ARL15: variants seen among roughly 807,000 people sequenced by gnomAD.
The protein encoded by ARL15 is ADP-ribosylation factor-like protein 15.
ARL15 carries 19 observed loss-of-function variants against 25.2 expected under a neutral mutation model. The ratio of observed to expected loss-of-function variants is 0.75; its 90% confidence interval spans 0.53 to 1.10. The LOEUF (loss-of-function observed/expected upper bound fraction) is 1.10, where lower values mean the gene tolerates loss of function less well. Ranked by LOEUF, ARL15 falls within the 50% of genes least tolerant of loss-of-function variation. ARL15 has a pLI of 0.00. For missense variants in ARL15, 220 were observed against 246.0 expected, an observed-to-expected ratio of 0.89 and a Z score of 0.71; for synonymous variants, 94 against 86.8, an observed-to-expected ratio of 1.08 and a Z score of -0.46.
At chr5:53,975,390 T>C (rs571645579) in intron 4 of ARL15, among the ~76,000 whole-genome samples, 6 of 152,202 alleles carry the variant, frequency 3.9e-5, no homozygotes, top group Non-Finnish European at 8.8e-5. Flanking sequence ...AAAGAGAGCT[T>C]GCCTACAAAG....
chr5:53,925,116 T>G (rs190968421), intron 4 of ARL15, among the ~76,000 whole-genome samples: 10 of 152,252 alleles, frequency 6.6e-5, no homozygotes, highest in Admixed American at 5.2e-4. Flanking sequence ...ACTTCAACTT[T>G]TTTCTTGAAT....
chr5:53,991,838 TA>T (rs1362686886), intron 4 of ARL15, among the ~76,000 whole-genome samples: 2 of 152,150 alleles, frequency 1.3e-5, no homozygotes, highest in African/African-American at 4.8e-5. Context: ...GTTAACTTAT[TA>T]AGTACCTACG....
intron 4 of ARL15, among the ~76,000 whole-genome samples, chr5:53,902,469 C>T (rs1354996843): frequency 6.6e-6 from 1 of 152,168 alleles, no homozygotes; most frequent in South Asian, 2.1e-4. Context: ...GGTTATTTGG[C>T]TTTTGTAATG....
intron 1 of ARL15, among the ~76,000 whole-genome samples, chr5:54,254,612 C>T (rs970534161): frequency 3.9e-5 from 6 of 152,208 alleles, no homozygotes; most frequent in African/African-American, 1.4e-4. Flanking sequence ...TGAAAAGGGT[C>T]CTTTCAATTC....
At chr5:54,044,400 C>T (rs1363476198) in intron 4 of ARL15, among the ~76,000 whole-genome samples, 2 of 151,978 alleles carry the variant, frequency 1.3e-5, no homozygotes, top group African/African-American at 2.4e-5. Context: ...CTCACCACCA[C>T]GCCTGGCTAA....
At chr5:54,184,608 C>T (rs1187497847) in intron 1 of ARL15, among the ~76,000 whole-genome samples, 1 of 107,900 alleles carries the variant, frequency 9.3e-6, no homozygotes, top group African/African-American at 3.4e-5. Flanking sequence ...GCTAGAAAGG[C>T]TTATAACAAA....
chr5:53,922,011 G>A (rs890690192), intron 4 of ARL15, among the ~76,000 whole-genome samples: 3 of 152,190 alleles, frequency 2.0e-5, no homozygotes, highest in Admixed American at 1.3e-4. Flanking sequence ...AAAGCAATAT[G>A]TACCTTAGTG....
At chr5:54,111,540 T>C (rs1336022575) in intron 4 of ARL15, among the ~76,000 whole-genome samples, 1 of 152,026 alleles carries the variant, frequency 6.6e-6, no homozygotes, top group Non-Finnish European at 1.5e-5. Context: ...TTCAATTATA[T>C]GATGTCTAAG....
At chr5:54,074,740 T>G (rs1751540093) in intron 4 of ARL15, among the ~76,000 whole-genome samples, 1 of 152,168 alleles carries the variant, frequency 6.6e-6, no homozygotes, top group Non-Finnish European at 1.5e-5. Flanking sequence ...ATCTATTTCC[T>G]TCTTAATTTT....
chr5:54,136,933 T>G (rs959326186), intron 3 of ARL15, among the ~76,000 whole-genome samples: 1 of 151,994 alleles, frequency 6.6e-6, no homozygotes, highest in Non-Finnish European at 1.5e-5. Context: ...TCATCTCTTC[T>G]TCAGTCACTA....
intron 4 of ARL15, among the ~76,000 whole-genome samples, chr5:54,026,404 G>A (rs756673809): frequency 3.9e-5 from 6 of 152,054 alleles, no homozygotes; most frequent in African/African-American, 7.3e-5. Flanking sequence ...GAGTACCTGG[G>A]AATTACAGGT....
chr5:54,064,328 T>A (rs1045470713), intron 4 of ARL15, among the ~76,000 whole-genome samples: 31 of 152,278 alleles, frequency 2.0e-4, no homozygotes, highest in African/African-American at 7.5e-4. Context: ...TATGACTCCC[T>A]CTGCACTCCC....
At chr5:54,076,139 A>G (rs1561214272) in intron 4 of ARL15, among the ~76,000 whole-genome samples, 1 of 152,124 alleles carries the variant, frequency 6.6e-6, no homozygotes, top group Non-Finnish European at 1.5e-5. Context: ...AATATAGGCC[A>G]GGCGCGGTGG....
chr5:53,907,861 C>T (rs901875519), intron 4 of ARL15, among the ~76,000 whole-genome samples: 5 of 151,774 alleles, frequency 3.3e-5, no homozygotes, highest in African/African-American at 1.2e-4. Context: ...TGGAAGAGAC[C>T]CTCTACACTC....
chr5:54,136,116 C>T (rs1753595588), intron 3 of ARL15, among the ~76,000 whole-genome samples: 1 of 152,110 alleles, frequency 6.6e-6, no homozygotes, highest in African/African-American at 2.4e-5. Flanking sequence ...CCATCAAGAA[C>T]AATGAATTTA....
At chr5:54,291,747 T>C (rs1469376228) in intron 1 of ARL15, among the ~76,000 whole-genome samples, 1 of 152,194 alleles carries the variant, frequency 6.6e-6, no homozygotes, top group Non-Finnish European at 1.5e-5. Flanking sequence ...CCATCTTCCA[T>C]TCAACAGCCA....
chr5:54,151,636 AAAT>A (rs540686629), intron 3 of ARL15, among the ~76,000 whole-genome samples: 6 of 152,270 alleles, frequency 3.9e-5, no homozygotes, highest in South Asian at 4.1e-4. Flanking sequence ...TGGTAAGAGG[AAAT>A]AATAATTTTT....
chr5:54,244,671 C>T (rs951211423), intron 1 of ARL15, among the ~76,000 whole-genome samples: 2 of 151,992 alleles, frequency 1.3e-5, no homozygotes, highest in Non-Finnish European at 2.9e-5. Context: ...GCCATTCTAC[C>T]AGGCTCTGGA....
intron 4 of ARL15, among the ~76,000 whole-genome samples, chr5:54,011,515 C>T (rs963656716): frequency 1.3e-5 from 2 of 151,982 alleles, no homozygotes; most frequent in African/African-American, 4.8e-5. Context: ...TGGGTAGAAA[C>T]TTGATAGTGA....
Sources: gnomAD v4.1 joint callset for allele counts (sites outside exome capture counted in the v4.1 genomes callset) on GRCh38, gnomAD v4.1.1 for gene constraint, MANE v1.5 for transcripts, NCBI Gene and HGNC (gene_info 2026-07-23, HGNC 2026-07-21) for gene names.